The following STYK1 variants were observed in gnomAD, a reference collection of about 807,000 sequenced individuals.
STYK1 encodes the protein tyrosine-protein kinase STYK1.
A neutral mutation model predicts 48.1 loss-of-function variants in STYK1; 46 were observed. The ratio of observed to expected loss-of-function variants is 0.96; its 90% CI spans 0.75 to 1.22. STYK1 has a LOEUF of 1.22. Among genes scored for constraint, STYK1 ranks in the 50% most tolerant of loss-of-function variants. STYK1 has a pLI of 0.00. For synonymous variants in STYK1, 188 were observed against 189.0 expected (o/e 0.99, Z 0.04); for missense variants, 527 against 521.1 (o/e 1.01, Z -0.11).
intron 1 of STYK1, among the ~76,000 whole-genome samples, chr12:10,653,141 C>T (rs1040018022): frequency 7.3e-5 from 11 of 151,590 alleles, no homozygotes; most frequent in African/African-American, 1.5e-4. Context: ...GGCGTGATAT[C>T]GGCTTACTGC....
intron 1 of STYK1, among the ~76,000 whole-genome samples, chr12:10,660,426 T>C (rs1947764094): frequency 6.6e-6 from 1 of 152,132 alleles, no homozygotes. Flanking sequence ...GTCATCCCTC[T>C]ACAACCCTTA....
At chr12:10,631,334 A>G in intron 4 of STYK1, 26 bp from the exon 5 acceptor site, 2 of 1,603,212 alleles carry the variant, frequency 1.2e-6, no homozygotes, top group South Asian at 1.1e-5. Flanking sequence ...GATGTCAACC[A>G]GTTTTTCCCC....
At chr12:10,637,336 ATTTT>A (rs531819965) in intron 1 of STYK1, 140 bp from the exon 2 acceptor site, 4 of 130,654 alleles carry the variant, frequency 3.1e-5, no homozygotes, top group South Asian at 2.5e-4. Context: ...TGAGTCTAGG[ATTTT>A]TTTTTTTTTT....
At chr12:10,656,344 G>A (rs1444053771) in intron 1 of STYK1, among the ~76,000 whole-genome samples, 1 of 119,382 alleles carries the variant, frequency 8.4e-6, no homozygotes, top group Non-Finnish European at 1.9e-5. Context: ...GATGAATACA[G>A]GGCTGAGTGC....
intron 2 of STYK1, among the ~76,000 whole-genome samples, chr12:10,636,455 C>T (rs552475602): frequency 6.6e-6 from 1 of 152,128 alleles, no homozygotes; most frequent in Non-Finnish European, 1.5e-5. Context: ...ATAGCAAAGT[C>T]CACTGTATCC....
In STYK1 at chr12:10,673,960, C is replaced by A. The variant is rs1947916568; in HGVS notation, c.-195+6G>T. ...CCGCGCCCGCCCCCCATACCCCGTTCACTACCGTGTCCCTCCTCTGGTCAC... is the reference window on the plus strand; with the variant it reads ...CCGCGCCCGCCCCCCATACCCCGTTAACTACCGTGTCCCTCCTCTGGTCAC... On this transcript the variant is annotated splice_donor_region_variant and intron_variant, in intron 1 of 10. Transcript: ENST00000075503. 6.6e-6 allele frequency: 1 copy of A among 152,270 alleles called. No individual in the cohort carries two copies. The highest frequency in any genetic ancestry group is 1.5e-5 in the Non-Finnish European group (1 of 68,096). 9.4% of individuals were successfully genotyped at this position (152,270 alleles called of 1,614,324 possible). A position where few individuals can be genotyped will look rare whatever the true frequency, so the allele number is the denominator to read the frequency against.
chr12:10,665,494 T>C (rs1347435897), intron 1 of STYK1, among the ~76,000 whole-genome samples: 3 of 152,202 alleles, frequency 2.0e-5, no homozygotes, highest in Admixed American at 6.5e-5. Flanking sequence ...CTCCATCTGA[T>C]GCTCTTCCCA....
chr12:10,633,047 AT>A (rs1947446706), intron 4 of STYK1, among the ~76,000 whole-genome samples: 1 of 152,242 alleles, frequency 6.6e-6, no homozygotes, highest in African/African-American at 2.4e-5. Flanking sequence ...AGGGACTATC[AT>A]TGGAATAGAA....
intron 3 of STYK1, among the ~76,000 whole-genome samples, chr12:10,634,363 C>A (rs1947463006): frequency 6.6e-6 from 1 of 152,128 alleles, no homozygotes; most frequent in Admixed American, 6.6e-5. Context: ...CAGTTTCTTA[C>A]CAAGATTGAA....
chr12:10,673,489 A>G (rs1360321561), intron 1 of STYK1: 1 of 152,242 alleles, frequency 6.6e-6, no homozygotes, highest in Non-Finnish European at 1.5e-5. Context: ...TCATTTAAAT[A>G]TCGCAACAAC....
At chr12:10,656,557 G>A (rs535560613) in intron 1 of STYK1, among the ~76,000 whole-genome samples, 17 of 152,182 alleles carry the variant, frequency 1.1e-4, no homozygotes, top group African/African-American at 3.4e-4. Context: ...CCTGGGAGGC[G>A]GAGCTTGCAG....
chr12:10,630,615 A>C (rs8181761), intron 5 of STYK1, among the ~76,000 whole-genome samples: 83,237 of 149,804 alleles, frequency 0.56, 24,326 homozygotes, highest in East Asian at 0.79. Context: ...ATTCTGTGAC[A>C]TACCGCATTA....
chr12:10,631,323 T>G lies in STYK1; in HGVS notation c.188-15A>C, dbSNP rs1313178837. On this transcript the variant is annotated splice_polypyrimidine_tract_variant and intron_variant, in intron 4 of 10. Coordinates refer to ENST00000075503, the MANE Select transcript of STYK1 (RefSeq NM_018423.3). ...AGGGGCAATGCCTAGAACAGAGAGA[T>G]GATGTCAACCAGTTTTTCCCCGCCC... 1 of 1,606,906 alleles carries G rather than the reference T, an allele frequency of 6.2e-7. No homozygotes were observed. The highest frequency in any genetic ancestry group is 1.7e-5 in the Admixed American group (1 of 59,878).
At position 10,624,710 on chromosome 12, in the gene STYK1, AGGT is replaced by A; in HGVS notation, c.864_866del (p.Pro289del). ...GCCGTTCTGGGGCAAGCCACTTGAG[AGGT>A]ATGGTTTGAGTAGAGGAGATGGCCC... On this transcript the variant is annotated inframe_deletion, in exon 8 of 11. Transcript: ENST00000075503. 6.2e-7 allele frequency: 1 copy of A among 1,614,132 alleles called. No individual in the cohort carries two copies. Among genetic ancestry groups the A allele is most frequent in the Non-Finnish European group, 8.5e-7 (1 of 1,180,030 alleles).
intron 1 of STYK1, among the ~76,000 whole-genome samples, chr12:10,658,945 C>A (rs1358633070): frequency 6.6e-6 from 1 of 152,168 alleles, no homozygotes; most frequent in Non-Finnish European, 1.5e-5. Flanking sequence ...TCACAGACAA[C>A]TGTTGTCTTG....
intron 1 of STYK1, among the ~76,000 whole-genome samples, chr12:10,658,907 C>T (rs1947747349): frequency 6.6e-6 from 1 of 152,168 alleles, no homozygotes. Context: ...TCATGTCTGA[C>T]TGTGGCTGCC....
intron 1 of STYK1, among the ~76,000 whole-genome samples, chr12:10,650,557 G>A (rs970048458): frequency 2.0e-5 from 3 of 152,156 alleles, no homozygotes; most frequent in Non-Finnish European, 2.9e-5. Context: ...CCACCCCAGT[G>A]GTCTGAAGAG....
At chr12:10,669,837 C>T (rs1947873717) in intron 1 of STYK1, among the ~76,000 whole-genome samples, 1 of 152,106 alleles carries the variant, frequency 6.6e-6, no homozygotes, top group Non-Finnish European at 1.5e-5. Context: ...AGACATTTCT[C>T]AAAAGAAGAC....
chr12:10,636,537 G>A (rs1400225488), intron 2 of STYK1, among the ~76,000 whole-genome samples: 1 of 152,188 alleles, frequency 6.6e-6, no homozygotes, highest in Non-Finnish European at 1.5e-5. Context: ...CCACATGGAA[G>A]GACTAGCACT....
Sources: gnomAD v4.1 joint callset for allele counts (sites outside exome capture counted in the v4.1 genomes callset) on GRCh38, gnomAD v4.1.1 for gene constraint, MANE v1.5 for transcripts, NCBI Gene and HGNC (gene_info 2026-07-23, HGNC 2026-07-21) for gene names.